Variants in FNDC3B observed in about 807,000 individuals in gnomAD.
FNDC3B encodes the protein fibronectin type III domain containing 3B, also known as fibronectin type III domain-containing protein 3B.
FNDC3B carries 12 observed loss-of-function variants against 151.5 expected under a neutral mutation model. The ratio of observed to expected loss-of-function variants is 0.08; its 90% CI spans 0.05 to 0.13. The LOEUF (loss-of-function observed/expected upper bound fraction) is 0.13. FNDC3B is among the 10% of genes least tolerant of loss of function. The probability of loss-of-function intolerance (pLI) is 1.00; values close to 1 mark genes in which losing one functional copy is unlikely to be tolerated. For missense variants in FNDC3B, 1,214 were observed against 1,505.3 expected, an observed-to-expected ratio of 0.81 and a Z score of 3.20; for synonymous variants, 528 against 549.0, an observed-to-expected ratio of 0.96 and a Z score of 0.54.
chr3:172,114,205 C>G (rs747481285), intron 2 of FNDC3B, among the ~76,000 whole-genome samples: 8 of 152,162 alleles, frequency 5.3e-5, no homozygotes, highest in Non-Finnish European at 1.0e-4. Context: ...CTGTCATTCT[C>G]TGCCTGCTCT....
intron 1 of FNDC3B, among the ~76,000 whole-genome samples, chr3:172,065,756 G>A (rs4894797): frequency 0.47 from 71,455 of 152,080 alleles, 18,744 homozygotes; most frequent in Non-Finnish European, 0.57. Flanking sequence ...TTGTACTGAA[G>A]TCAGAAAGTA....
chr3:172,324,375 G>A (rs1405656796), intron 11 of FNDC3B, among the ~76,000 whole-genome samples: 1 of 152,124 alleles, frequency 6.6e-6, no homozygotes, highest in East Asian at 1.9e-4. Flanking sequence ...GTGCTCTCAG[G>A]CTAGGTCTGG....
intron 3 of FNDC3B, among the ~76,000 whole-genome samples, chr3:172,168,156 T>A (rs1444692321): frequency 6.6e-6 from 1 of 152,332 alleles, no homozygotes; most frequent in East Asian, 1.9e-4. Context: ...TACCCTCACT[T>A]TTCAAATTGT....
At chr3:172,276,532 C>T (rs1235190377) in intron 6 of FNDC3B, among the ~76,000 whole-genome samples, 1 of 152,160 alleles carries the variant, frequency 6.6e-6, no homozygotes, top group Non-Finnish European at 1.5e-5. Context: ...TATAATGATA[C>T]ATGCTAGAGA....
intron 3 of FNDC3B, among the ~76,000 whole-genome samples, chr3:172,175,552 A>G (rs138916789): frequency 1.5e-3 from 232 of 152,334 alleles, no homozygotes; most frequent in Middle Eastern, 6.8e-3. Flanking sequence ...AGAACCTCAA[A>G]TAGTTCTTCA....
chr3:172,161,976 A>T (rs1576921482), intron 3 of FNDC3B, among the ~76,000 whole-genome samples: 2 of 138,156 alleles, frequency 1.4e-5, no homozygotes, highest in Non-Finnish European at 1.6e-5. Flanking sequence ...TCTTAGGATA[A>T]TTTTTTTTTT....
intron 9 of FNDC3B, among the ~76,000 whole-genome samples, chr3:172,299,999 G>A (rs1560065444): frequency 6.6e-6 from 1 of 152,192 alleles, no homozygotes; most frequent in Non-Finnish European, 1.5e-5. Context: ...AAGTTGTTTT[G>A]TTTTAAGGCA....
chr3:172,387,069 G>C (rs1435749347), intron 25 of FNDC3B, among the ~76,000 whole-genome samples: 2 of 152,114 alleles, frequency 1.3e-5, no homozygotes, highest in South Asian at 4.1e-4. Context: ...TGATCCTCTT[G>C]TCTCAGCTTC....
chr3:172,381,199 T>G (rs1735419123), intron 25 of FNDC3B, 106 bp downstream of exon 25: 14 of 1,250,758 alleles, frequency 1.1e-5, no homozygotes, highest in Non-Finnish European at 1.5e-5. Flanking sequence ...TTAAAATCAG[T>G]GATAGAAACT....
chr3:172,292,548 A>G (rs183620736), intron 7 of FNDC3B, among the ~76,000 whole-genome samples: 51 of 152,328 alleles, frequency 3.3e-4, no homozygotes, highest in Admixed American at 2.4e-3. Flanking sequence ...CTTCATGGAT[A>G]TTTGTTTGGT....
In FNDC3B at chr3:172,324,850, C is replaced by A. The variant is rs9832833; in HGVS notation, c.1255-4102C>A. ...TTCAGGTGAAGTATCTTTTCCATAC[C>A]CCGCTGAGAACAGGGACTCCAGTGT... On this transcript the variant is annotated intron_variant, in intron 11 of 25. Transcript: ENST00000415807. Among the ~76,000 whole-genome samples, 1,152 of 152,274 alleles carry A rather than the reference C, an allele frequency of 7.6e-3. 20 individuals carry two copies. The highest frequency in any genetic ancestry group is 0.026 in the African/African-American group (1,092 of 41,540).
intron 22 of FNDC3B, among the ~76,000 whole-genome samples, chr3:172,360,290 A>C (rs912581415): frequency 6.6e-6 from 1 of 152,080 alleles, no homozygotes; most frequent in African/African-American, 2.4e-5. Context: ...TCTTCCGCCC[A>C]TTTTTAATGG....
At chr3:172,369,469 G>GT (rs71635724) in intron 23 of FNDC3B, among the ~76,000 whole-genome samples, 39 of 151,390 alleles carry the variant, frequency 2.6e-4, no homozygotes, top group Admixed American at 1.1e-3. Flanking sequence ...CGAAAAAAAA[G>GT]TTTTTTTTTG....
At chr3:172,111,616 T>C (rs975487262) in intron 1 of FNDC3B, among the ~76,000 whole-genome samples, 2 of 152,184 alleles carry the variant, frequency 1.3e-5, no homozygotes, top group Non-Finnish European at 2.9e-5. Flanking sequence ...GGGAGGACTT[T>C]TTTTGGGTGG....
chr3:172,390,116 A>C (rs1263472552), intron 25 of FNDC3B, among the ~76,000 whole-genome samples: 1 of 152,218 alleles, frequency 6.6e-6, no homozygotes, highest in Non-Finnish European at 1.5e-5. Flanking sequence ...ACTTTGTTCA[A>C]GCCATTGTGC....
At position 172,384,422 on chromosome 3, in the gene FNDC3B, G is replaced by A. The variant is rs186194566; in HGVS notation, c.3303+3329G>A. Reference sequence around the variant, plus strand: ...TTACCAGAAAGATATGATTGGTTTCGGGTCTTAGCTCAAATAGAGAGCAGA... The same window carrying A: ...TTACCAGAAAGATATGATTGGTTTCAGGTCTTAGCTCAAATAGAGAGCAGA... On this transcript the variant is annotated intron_variant, in intron 25 of 25. Coordinates refer to ENST00000415807, the MANE Select transcript of FNDC3B (RefSeq NM_022763.4). Among the ~76,000 whole-genome samples the A allele has an allele frequency of 5.1e-4, 77 of 152,178 alleles. 1 individual carries two copies. Among genetic ancestry groups the A allele is most frequent in the African/African-American group, 1.7e-3 (72 of 41,518 alleles).
intron 6 of FNDC3B, among the ~76,000 whole-genome samples, chr3:172,252,289 A>T (rs1728121946): frequency 6.6e-6 from 1 of 152,144 alleles, no homozygotes; most frequent in South Asian, 2.1e-4. Flanking sequence ...TAAGTGAGGC[A>T]AAAAAGGTAG....
chr3:172,389,582 G>A (rs1408003137), intron 25 of FNDC3B, among the ~76,000 whole-genome samples: 4 of 152,176 alleles, frequency 2.6e-5, no homozygotes, highest in Non-Finnish European at 5.9e-5. Flanking sequence ...AACTGTTCAC[G>A]TGTGGGGGGG....
chr3:172,233,395 G>T (rs1726981751), intron 4 of FNDC3B, among the ~76,000 whole-genome samples: 1 of 152,182 alleles, frequency 6.6e-6, no homozygotes, highest in Admixed American at 6.5e-5. Context: ...TAATGGGTCA[G>T]TACCTGTTGA....
Sources: gnomAD v4.1 joint callset for allele counts (sites outside exome capture counted in the v4.1 genomes callset) on GRCh38, gnomAD v4.1.1 for gene constraint, MANE v1.5 for transcripts, NCBI Gene and HGNC (gene_info 2026-07-23, HGNC 2026-07-21) for gene names.